The following CNTN4 variants were observed in gnomAD, a reference collection of about 807,000 sequenced individuals.
The protein encoded by CNTN4 is contactin-4.
A neutral mutation model predicts 122.5 loss-of-function variants in CNTN4; 77 were observed. The ratio of observed to expected loss-of-function variants is 0.63; its 90% CI spans 0.52 to 0.76. The LOEUF is 0.76. CNTN4 is among the 30% of genes least tolerant of loss of function. The probability of loss-of-function intolerance (pLI) is 0.00; values close to 1 mark genes in which losing one functional copy is unlikely to be tolerated. For synonymous variants in CNTN4, 512 were observed against 447.0 expected (o/e 1.15, Z -1.83); for missense variants, 1,256 against 1,259.1 (o/e 1.00, Z 0.04).
chr3:2,568,522 G>C (rs2079282219), intron 3 of CNTN4, among the ~76,000 whole-genome samples: 1 of 152,114 alleles, frequency 6.6e-6, no homozygotes, highest in Non-Finnish European at 1.5e-5. Context: ...GCCAGAGAGA[G>C]CTCACAGCTG....
At chr3:2,416,668 T>C (rs1276768081) in intron 3 of CNTN4, among the ~76,000 whole-genome samples, 1 of 151,584 alleles carries the variant, frequency 6.6e-6, no homozygotes, top group African/African-American at 2.4e-5. Context: ...ACTTTCTTTT[T>C]TTTAGGACGG....
rs1044844325 is a variant in CNTN4 at position 2,841,551 on chromosome 3, G to A, written c.454+21970G>A. Among the ~76,000 whole-genome samples, 9 of 151,984 alleles carry A rather than the reference G, an allele frequency of 5.9e-5. No homozygotes were observed. The highest frequency in any genetic ancestry group is 1.5e-4 in the African/African-American group (6 of 41,360). Reference sequence around the variant, plus strand: ...AGAGATTAATTTATTATTCCCAATCGGGCTCCAACCCTCAAACTATATTTG... The same window carrying A: ...AGAGATTAATTTATTATTCCCAATCAGGCTCCAACCCTCAAACTATATTTG... On this transcript the variant is annotated intron_variant, in intron 7 of 24. Transcript: ENST00000418658. This position sits in a 1 kb window ranked among gnomAD's most constrained non-coding sequence, Gnocchi z 4.8.
At chr3:3,038,832 C>T (rs1358501243) in intron 18 of CNTN4, 101 bp from the exon 19 acceptor site, 4 of 887,218 alleles carry the variant, frequency 4.5e-6, no homozygotes, top group Non-Finnish European at 7.5e-6. Context: ...GGGCGTGCCT[C>T]AGAGTACTCA....
chr3:2,642,029 T>C (rs1044578944), intron 4 of CNTN4, among the ~76,000 whole-genome samples: 1 of 152,182 alleles, frequency 6.6e-6, no homozygotes, highest in Non-Finnish European at 1.5e-5. Flanking sequence ...GATGTGTGTA[T>C]AAATGAGAGT....
intron 12 of CNTN4, among the ~76,000 whole-genome samples, chr3:2,920,251 T>G (rs1213603464): frequency 1.4e-5 from 2 of 139,780 alleles, no homozygotes; most frequent in Non-Finnish European, 3.1e-5. Flanking sequence ...TCAGAATGAC[T>G]AAACTATAGT....
chr3:2,639,933 G>T (rs115840801), intron 4 of CNTN4, among the ~76,000 whole-genome samples: 3,932 of 152,218 alleles, frequency 0.026, 107 homozygotes, highest in Admixed American at 0.099. Flanking sequence ...CCCTTTCCCC[G>T]TGCTAGGGCT....
chr3:2,861,336 T>G (rs62234242), intron 7 of CNTN4, among the ~76,000 whole-genome samples: 23,357 of 152,100 alleles, frequency 0.15, 1,845 homozygotes, highest in Middle Eastern at 0.26. Context: ...CCAGCACACC[T>G]CTCCATCTCA....
At chr3:2,866,727 G>A in intron 7 of CNTN4, 25 bp from the exon 8 acceptor site, 3 of 1,596,932 alleles carry the variant, frequency 1.9e-6, no homozygotes, top group Non-Finnish European at 2.6e-6. Flanking sequence ...AGACATATTT[G>A]TAATGAAGAT....
intron 2 of CNTN4, among the ~76,000 whole-genome samples, chr3:2,112,959 C>T (rs980193575): frequency 6.6e-6 from 1 of 152,142 alleles, no homozygotes; most frequent in African/African-American, 2.4e-5. Flanking sequence ...AAGATGCACC[C>T]TCTACTATAG....
At chr3:2,419,857 T>C (rs1287042241) in intron 3 of CNTN4, among the ~76,000 whole-genome samples, 2 of 152,172 alleles carry the variant, frequency 1.3e-5, no homozygotes, top group Non-Finnish European at 2.9e-5. Context: ...TGCAAACATA[T>C]ACAAATATAT....
At chr3:2,825,312 G>A (rs56709481) in intron 7 of CNTN4, among the ~76,000 whole-genome samples, 2,626 of 151,794 alleles carry the variant, frequency 0.017, 54 homozygotes, top group African/African-American at 0.06. Flanking sequence ...TGCAACCTCC[G>A]CCTCCCAGTT....
intron 4 of CNTN4, among the ~76,000 whole-genome samples, chr3:2,592,461 G>A (rs1226579720): frequency 1.3e-5 from 2 of 152,216 alleles, no homozygotes; most frequent in Non-Finnish European, 2.9e-5. Context: ...ATTCCCACAT[G>A]TTGTGGGACG....
chr3:2,248,261 A>C (rs912183372), intron 2 of CNTN4, among the ~76,000 whole-genome samples: 2 of 152,028 alleles, frequency 1.3e-5, no homozygotes, highest in Non-Finnish European at 2.9e-5. Flanking sequence ...TTGGTGCCAG[A>C]ATCAAATTCA....
At chr3:2,725,258 G>C (rs1042363480) in intron 4 of CNTN4, among the ~76,000 whole-genome samples, 1 of 152,122 alleles carries the variant, frequency 6.6e-6, no homozygotes, top group Non-Finnish European at 1.5e-5. Flanking sequence ...TCCTTAAATA[G>C]TGGCTCATGA....
At chr3:2,278,792 G>A (rs532739397) in intron 2 of CNTN4, among the ~76,000 whole-genome samples, 2 of 149,814 alleles carry the variant, frequency 1.3e-5, no homozygotes, top group African/African-American at 5.1e-5. Context: ...TAATATTACT[G>A]TGAGGATTAA....
At chr3:2,340,111 T>A (rs1425232044) in intron 3 of CNTN4, among the ~76,000 whole-genome samples, 1 of 152,244 alleles carries the variant, frequency 6.6e-6, no homozygotes, top group Admixed American at 6.5e-5. Flanking sequence ...AACTTGATTT[T>A]TATCTGTAAA....
chr3:2,857,993 C>T (rs1330306872), intron 7 of CNTN4, among the ~76,000 whole-genome samples: 1 of 152,120 alleles, frequency 6.6e-6, no homozygotes, highest in Admixed American at 6.5e-5. Flanking sequence ...TATCCTAAAG[C>T]AGGGGCTACA....
intron 4 of CNTN4, among the ~76,000 whole-genome samples, chr3:2,670,058 ATG>A (rs2084412406): frequency 6.6e-6 from 1 of 152,214 alleles, no homozygotes; most frequent in East Asian, 1.9e-4. Flanking sequence ...GCTGAGAAGA[ATG>A]TATATTCTGT....
At chr3:2,400,449 A>ATATC (rs2046815485) in intron 3 of CNTN4, among the ~76,000 whole-genome samples, 3 of 124,284 alleles carry the variant, frequency 2.4e-5, no homozygotes, top group Non-Finnish European at 5.2e-5. Context: ...ATATATATAT[A>ATATC]TCTCTTTTTT....
Sources: gnomAD v4.1 joint callset for allele counts (sites outside exome capture counted in the v4.1 genomes callset) on GRCh38, gnomAD v4.1.1 for gene constraint, Gnocchi (gnomAD v3.1) non-coding constraint, MANE v1.5 for transcripts, NCBI Gene and HGNC (gene_info 2026-07-23, HGNC 2026-07-21) for gene names.